Variants in HAUS5 observed in about 807,000 individuals in gnomAD.
HAUS5 encodes the protein HAUS augmin-like complex subunit 5.
A neutral mutation model predicts 94.1 loss-of-function variants in HAUS5; 67 were observed. The ratio of observed to expected loss-of-function variants is 0.71; its 90% CI spans 0.58 to 0.87. The LOEUF is 0.87. Ranked by LOEUF, HAUS5 falls within the 40% of genes least tolerant of loss-of-function variation. The pLI, the probability that HAUS5 is intolerant of heterozygous loss-of-function variation, is 0.00. For missense variants in HAUS5, 739 were observed against 825.6 expected, an observed-to-expected ratio of 0.90 and a Z score of 1.29; for synonymous variants, 339 against 355.4, an observed-to-expected ratio of 0.95 and a Z score of 0.52.
chr19:35,618,866 T>C, intron 12 of HAUS5, 21 bp from the exon 13 acceptor site: 1 of 1,586,576 alleles, frequency 6.3e-7, no homozygotes, highest in Non-Finnish European at 8.6e-7. Context: ...TCTCCTTTGC[T>C]CTCCTCCACT....
At position 35,617,380 on chromosome 19, in the gene HAUS5, C is replaced by T. The variant is rs758987275; in HGVS notation, c.638+11C>T. The T allele has an allele frequency of 1.9e-6, 3 of 1,598,406 alleles. No individual in the cohort carries two copies. The highest frequency in any genetic ancestry group is 1.7e-6 in the Non-Finnish European group (2 of 1,165,994). ...GAGGGGCAGCCTCCCGTGAGTGTCC[C>T]TAGCCCCCAGAGACCCTGTAAAGAC... On this transcript the variant is annotated intron_variant, in intron 8 of 18. Coordinates refer to ENST00000203166, the MANE Select transcript of HAUS5 (RefSeq NM_015302.2).
chr19:35,617,814 G>A (rs374518276), intron 8 of HAUS5, 41 bp from the exon 9 acceptor site: 13 of 1,566,258 alleles, frequency 8.3e-6, no homozygotes, highest in Admixed American at 3.3e-5. Flanking sequence ...GATAATTGAC[G>A]TGTCTTGTAA....
chr19:35,619,416 T>C lies in HAUS5; in HGVS notation c.1180-8T>C. ...AGGAGTGGGTCTCAGGGTATCCTGG[T>C]TCCTCAGGAGGAGACCCAGGAACAG... is the stretch of plus-strand genomic sequence containing the variant. On this transcript the variant is annotated splice_polypyrimidine_tract_variant and splice_region_variant and intron_variant, in intron 13 of 18. Transcript: ENST00000203166. The C allele has an allele frequency of 6.3e-7, 1 of 1,575,170 alleles. No homozygotes were observed.
rs543914988 is a variant in HAUS5 at position 35,612,750 on chromosome 19, A to G, written c.-45A>G. On this transcript the variant is annotated 5_prime_UTR_variant, in exon 1 of 19. Transcript: ENST00000203166. ...CCGTGACGTCAGAGGCGGGCGCCACACTTGAAGAGGCTGAGGGAGGCGGTG... is the reference window on the plus strand; with the variant it reads ...CCGTGACGTCAGAGGCGGGCGCCACGCTTGAAGAGGCTGAGGGAGGCGGTG... 2 of 1,423,394 alleles carry G rather than the reference A, an allele frequency of 1.4e-6. No individual in the cohort carries two copies. The highest frequency in any genetic ancestry group is 1.4e-5 in the African/African-American group (1 of 69,190). The allele number at this position is 1,423,394 out of a possible 1,614,324, so 88.2% of individuals were successfully genotyped here.
At position 35,624,778 on chromosome 19, in the gene HAUS5, A is replaced by G. The variant is rs1011991327; in HGVS notation, c.*1785A>G. On this transcript the variant is annotated 3_prime_UTR_variant, in exon 19 of 19. Coordinates refer to ENST00000203166, the MANE Select transcript of HAUS5 (RefSeq NM_015302.2). ...AAATTTTTTTTCCCAAACTAAGTGA[A>G]CATTAGATTTAATTTGGCTGGCCCC... The G allele has an allele frequency of 6.6e-6, 1 of 152,176 alleles. No individual in the cohort carries two copies. Among genetic ancestry groups the G allele is most frequent in the African/African-American group, 2.4e-5 (1 of 41,436 alleles). The allele number at this position is 152,176 out of a possible 1,614,324, so 9.4% of individuals were successfully genotyped here.
Position 35,622,705 on chromosome 19 carries a change from C to A in HAUS5, c.1756C>A (p.Pro586Thr). 3 of 1,614,064 alleles carry A rather than the reference C, an allele frequency of 1.9e-6. No individual in the cohort carries two copies. Among genetic ancestry groups the A allele is most frequent in the Non-Finnish European group, 1.7e-6 (2 of 1,180,012 alleles). The part of the protein sequence containing the change: ...KLLKQALERI[P>T]ELQGIVGDWW... ...ACTGAAACAGGCACTGGAGCGAATC[C>A]CTGAGCTGCAGGGGATCGTGGGGGA... The change falls in exon 18 of 19, where the codon CCT becomes ACT. Residue 586 changes from proline (P) to threonine (T), a missense_variant. By Grantham distance (38) the Pro-to-Thr change is conservative. Coordinates refer to ENST00000203166, the MANE Select transcript of HAUS5 (RefSeq NM_015302.2).
intron 4 of HAUS5, 27 bp downstream of exon 4, chr19:35,614,086 C>G: frequency 6.2e-7 from 1 of 1,607,412 alleles, no homozygotes; most frequent in Non-Finnish European, 8.5e-7. Context: ...ACAAGATTCT[C>G]TTTCATCCGA....
In HAUS5 at chr19:35,615,504, T is replaced by C. The variant is rs2071935176; in HGVS notation, c.485+118T>C. 7 of 776,378 alleles carry C rather than the reference T, an allele frequency of 9.0e-6. No individual in the cohort carries two copies. The East Asian group carries it at 1.3e-4, about 15-fold the overall frequency. The allele number at this position is 776,378 out of a possible 1,614,324, so 48.1% of individuals were successfully genotyped here. On this transcript the variant is annotated intron_variant, in intron 6 of 18. Coordinates refer to ENST00000203166, the MANE Select transcript of HAUS5 (RefSeq NM_015302.2). ...GAATTCTGGAACCATTAGGATGGAA[T>C]GTCCATGAGGCCAGGAGGTTTTGTC...
chr19:35,618,198 G>T lies in HAUS5; in HGVS notation c.821+3G>T, dbSNP rs777170720. On this transcript the variant is annotated splice_donor_region_variant and intron_variant, in intron 10 of 18. Coordinates refer to ENST00000203166, the MANE Select transcript of HAUS5 (RefSeq NM_015302.2). ...CTTGGCGACACAGAGATATCCAGGTGTGGGGCAGGGTATTCTCACAGTTGG... is the reference window on the plus strand; with the variant it reads ...CTTGGCGACACAGAGATATCCAGGTTTGGGGCAGGGTATTCTCACAGTTGG... 5 of 1,597,924 alleles carry T rather than the reference G, an allele frequency of 3.1e-6. No individual in the cohort carries two copies. The highest frequency in any genetic ancestry group is 1.1e-5 in the South Asian group (1 of 89,190).
In HAUS5 at chr19:35,618,965, G is replaced by A. The variant is rs1174093655; in HGVS notation, c.1095G>A (p.Leu365=). 6.2e-7 allele frequency: 1 copy of A among 1,613,504 alleles called. No individual in the cohort carries two copies. The highest frequency in any genetic ancestry group is 1.3e-5 in the African/African-American group (1 of 74,930). The stretch of plus-strand genomic sequence containing the variant: ...CCCTGCACGATCAGAGCCAGGAGCT[G>A]CAGGATGCAGCTGGGCATCGGCAGC... ...LKALHDQSQE[L]QDAAGHRQLL... The change falls in exon 13 of 19, where the codon CTG becomes CTA. Residue 365 remains leucine, a synonymous_variant. Transcript: ENST00000203166.
chr19:35,619,542 G>T, intron 14 of HAUS5, 38 bp downstream of exon 14: 1 of 1,606,542 alleles, frequency 6.2e-7, no homozygotes, highest in Non-Finnish European at 8.5e-7. Flanking sequence ...GGTAGGGCTG[G>T]ATCTGCCAGG....
chr19:35,621,892 C>T (rs747820363), intron 17 of HAUS5, among the ~76,000 whole-genome samples: 1 of 152,204 alleles, frequency 6.6e-6, no homozygotes, highest in Non-Finnish European at 1.5e-5. Context: ...TGTCTGATCA[C>T]GCTGCTCGTC....
intron 17 of HAUS5, among the ~76,000 whole-genome samples, chr19:35,620,534 G>A (rs1486852730): frequency 2.6e-5 from 4 of 152,224 alleles, no homozygotes; most frequent in African/African-American, 9.7e-5. Context: ...GAACTGAGAC[G>A]CAGAGGTTAG....
Position 35,619,493 on chromosome 19 carries a change from AGCCCG to A in HAUS5, c.1251_1255del (p.Ser417ArgfsTer16). 1 of 1,609,938 alleles carries A rather than the reference AGCCCG, an allele frequency of 6.2e-7. No homozygotes were observed. The highest frequency in any genetic ancestry group is 8.5e-7 in the Non-Finnish European group (1 of 1,177,848). On this transcript the variant is annotated frameshift_variant, in exon 14 of 19. Coordinates refer to ENST00000203166, the MANE Select transcript of HAUS5 (RefSeq NM_015302.2). LOFTEE classifies it high-confidence loss of function. The stretch of plus-strand genomic sequence containing the variant: ...GGCCAGCAAGACCCGCCTGTGCCGG[AGCCCG>A]GGGGAGGTGAGATGGGAGTTGGGGT...
At position 35,622,869 on chromosome 19, in the gene HAUS5, TC is replaced by T. The variant is rs781367342; in HGVS notation, c.1785-3del. The T allele has an allele frequency of 1.9e-6, 3 of 1,612,584 alleles. No homozygotes were observed. The South Asian group carries it at 3.3e-5, about 18-fold the overall frequency. ...CCTTTCCTCGTTGACGCCATGCCAT[TC>T]CCCAGGTGGGAGCAGCCAGGCCAGG... On this transcript the variant is annotated splice_polypyrimidine_tract_variant and splice_region_variant and intron_variant, in intron 18 of 18. Transcript: ENST00000203166.
intron 18 of HAUS5, 64 bp from the exon 19 acceptor site, chr19:35,622,812 A>G: frequency 7.5e-6 from 12 of 1,605,238 alleles, no homozygotes; most frequent in Non-Finnish European, 1.0e-5. Context: ...GGAGCAGGCC[A>G]TGGTTTTGCA....
Position 35,623,766 on chromosome 19 carries a change from G to C in HAUS5, c.*773G>C, listed in dbSNP as rs552610419. 1 of 152,358 alleles carries C rather than the reference G, an allele frequency of 6.6e-6. No individual in the cohort carries two copies. The highest frequency in any genetic ancestry group is 6.5e-5 in the Admixed American group (1 of 15,294). The allele number at this position is 152,358 out of a possible 1,614,324, so 9.4% of individuals were successfully genotyped here. A position where few individuals can be genotyped will look rare whatever the true frequency, so the allele number is the denominator to read the frequency against. ...GCCTCTGAGGGAAGGTGGGTGGCAGGGATCAACTGAGGAGGAGACACAGAA... is the reference window on the plus strand; with the variant it reads ...GCCTCTGAGGGAAGGTGGGTGGCAGCGATCAACTGAGGAGGAGACACAGAA... On this transcript the variant is annotated 3_prime_UTR_variant, in exon 19 of 19. Transcript: ENST00000203166.
chr19:35,619,558 G>T, intron 14 of HAUS5, 54 bp downstream of exon 14: 1 of 1,602,542 alleles, frequency 6.2e-7, no homozygotes, highest in East Asian at 2.2e-5. Context: ...CCAGGATGGG[G>T]CTGGGTGGAC....
chr19:35,622,452 A>C, intron 17 of HAUS5, 149 bp from the exon 18 acceptor site: 1 of 802,188 alleles, frequency 1.2e-6, no homozygotes, highest in Non-Finnish European at 2.0e-6. Context: ...GGGGACTTCC[A>C]GGCTGGGAAG....
Sources: allele counts gnomAD v4.1 joint callset (sites outside exome capture counted in the v4.1 genomes callset), GRCh38; gene constraint gnomAD v4.1.1; transcripts MANE v1.5; gene names NCBI Gene and HGNC (gene_info 2026-07-23, HGNC 2026-07-21).